DPP10: variants seen among roughly 807,000 people sequenced by gnomAD.
DPP10 encodes the protein inactive dipeptidyl peptidase 10.
Under a neutral mutation model 120.9 loss-of-function variants are expected in DPP10, and 33 were observed. The observed-to-expected ratio is 0.27, with a 90% CI of 0.21 to 0.37. The LOEUF is 0.37. Among genes scored for constraint, DPP10 ranks in the 10% least tolerant of loss-of-function variants. The probability of loss-of-function intolerance (pLI) is 1.00; values close to 1 mark genes in which losing one functional copy is unlikely to be tolerated. For synonymous variants in DPP10, 337 were observed against 326.1 expected, an observed-to-expected ratio of 1.03 and a Z score of -0.36; for missense variants, 816 against 942.8, an observed-to-expected ratio of 0.87 and a Z score of 1.76.
intron 3 of DPP10, among the ~76,000 whole-genome samples, chr2:115,441,722 A>G (rs1356001590): frequency 6.6e-6 from 1 of 151,936 alleles, no homozygotes; most frequent in East Asian, 1.9e-4. Flanking sequence ...GGAGGGACAG[A>G]CCTAGTTATT....
chr2:115,296,786 T>A (rs537323137), intron 1 of DPP10, among the ~76,000 whole-genome samples: 83 of 152,184 alleles, frequency 5.5e-4, no homozygotes, highest in African/African-American at 1.6e-3. Context: ...TGCAATAAGT[T>A]CATCTAGAGT....
intron 1 of DPP10, among the ~76,000 whole-genome samples, chr2:115,199,709 A>G (rs2055553660): frequency 6.6e-6 from 1 of 152,210 alleles, no homozygotes; most frequent in Non-Finnish European, 1.5e-5. Flanking sequence ...TATAGCATGT[A>G]TCAAGACTGA....
intron 21 of DPP10, among the ~76,000 whole-genome samples, chr2:115,826,495 T>C (rs1337328834): frequency 2.6e-5 from 4 of 152,184 alleles, no homozygotes; most frequent in East Asian, 1.9e-4. Context: ...CCTAGGTGGC[T>C]GGATCACCTG....
At chr2:114,517,443 C>A (rs935122613) in intron 1 of DPP10, among the ~76,000 whole-genome samples, 5 of 151,396 alleles carry the variant, frequency 3.3e-5, no homozygotes, top group Admixed American at 6.6e-5. Context: ...TTGCTTGAAC[C>A]TGGGAGACGG....
At chr2:114,596,672 C>T (rs978119861) in intron 1 of DPP10, among the ~76,000 whole-genome samples, 1 of 152,022 alleles carries the variant, frequency 6.6e-6, no homozygotes, top group African/African-American at 2.4e-5. Flanking sequence ...CATCACATCT[C>T]TTTCCAGTTA....
At chr2:114,641,283 G>A (rs185281901) in intron 1 of DPP10, among the ~76,000 whole-genome samples, 1 of 151,896 alleles carries the variant, frequency 6.6e-6, no homozygotes, top group Non-Finnish European at 1.5e-5. Flanking sequence ...GATCAACTCC[G>A]ACCTTTGTCT....
intron 1 of DPP10, among the ~76,000 whole-genome samples, chr2:115,038,513 G>A (rs745606392): frequency 1.1e-4 from 16 of 151,912 alleles, no homozygotes; most frequent in African/African-American, 3.9e-4. Context: ...TCCTGACCTC[G>A]TGATCCGCCC....
At chr2:115,392,814 A>G (rs1480842402) in intron 3 of DPP10, among the ~76,000 whole-genome samples, 2 of 152,178 alleles carry the variant, frequency 1.3e-5, no homozygotes, top group African/African-American at 4.8e-5. Context: ...TGAGTTTTTC[A>G]GTATGGTGAA....
At chr2:114,452,017 T>C (rs12473953) in intron 1 of DPP10, among the ~76,000 whole-genome samples, 36,811 of 152,116 alleles carry the variant, frequency 0.24, 5,501 homozygotes, top group Admixed American at 0.37. Context: ...TATTAATATA[T>C]GGTCTTTAAA....
intron 1 of DPP10, among the ~76,000 whole-genome samples, chr2:115,150,460 A>C (rs999271766): frequency 3.9e-5 from 6 of 152,210 alleles, no homozygotes; most frequent in African/African-American, 1.4e-4. Flanking sequence ...CCAATATTAT[A>C]CACACAACAG....
chr2:114,518,225 C>A (rs979164915), intron 1 of DPP10, among the ~76,000 whole-genome samples: 15 of 151,782 alleles, frequency 9.9e-5, no homozygotes, highest in African/African-American at 3.4e-4. Flanking sequence ...TTATAGGTAC[C>A]CACCACCACG....
chr2:114,821,871 G>A (rs1686118437), intron 1 of DPP10, among the ~76,000 whole-genome samples: 1 of 152,192 alleles, frequency 6.6e-6, no homozygotes, highest in Admixed American at 6.5e-5. Flanking sequence ...CACAGCCTTA[G>A]GCAGCTCCAC....
chr2:115,135,870 A>G (rs1431420512), intron 1 of DPP10, among the ~76,000 whole-genome samples: 2 of 152,162 alleles, frequency 1.3e-5, no homozygotes, highest in East Asian at 1.9e-4. Flanking sequence ...TGTGATTCTC[A>G]TGCCAAAAGG....
At chr2:115,500,082 C>T (rs6712054) in intron 4 of DPP10, among the ~76,000 whole-genome samples, 10,102 of 151,928 alleles carry the variant, frequency 0.066, 445 homozygotes, top group Middle Eastern at 0.12. Flanking sequence ...TCTGTCAGTA[C>T]CATTTTACTT....
At chr2:115,383,629 A>G (rs890158638) in intron 3 of DPP10, among the ~76,000 whole-genome samples, 5 of 152,076 alleles carry the variant, frequency 3.3e-5, no homozygotes, top group East Asian at 1.9e-4. Flanking sequence ...TTACTCACCA[A>G]TTGTCTGTGG....
chr2:115,281,540 A>G (rs564235647), intron 1 of DPP10, among the ~76,000 whole-genome samples: 3 of 152,326 alleles, frequency 2.0e-5, no homozygotes, highest in Admixed American at 2.0e-4. Context: ...GCATGAGCTC[A>G]CCAGAATTAG....
chr2:114,909,796 T>C (rs1694230117), intron 1 of DPP10, among the ~76,000 whole-genome samples: 1 of 152,032 alleles, frequency 6.6e-6, no homozygotes, highest in Non-Finnish European at 1.5e-5. Context: ...ATCTTCTTTA[T>C]AGGAAGCACT....
At chr2:115,385,287 T>C (rs1447731213) in intron 3 of DPP10, among the ~76,000 whole-genome samples, 1 of 152,038 alleles carries the variant, frequency 6.6e-6, no homozygotes, top group Non-Finnish European at 1.5e-5. Context: ...GAGGCCTCAC[T>C]GAGTCCTTCT....
At chr2:115,601,246 A>C (rs1182376962) in intron 5 of DPP10, among the ~76,000 whole-genome samples, 1 of 152,216 alleles carries the variant, frequency 6.6e-6, no homozygotes, top group Non-Finnish European at 1.5e-5. Flanking sequence ...TGATGAATCT[A>C]ACTTTTCTCA....
Sources: gnomAD v4.1 joint callset for allele counts (sites outside exome capture counted in the v4.1 genomes callset) on GRCh38, gnomAD v4.1.1 for gene constraint, MANE v1.5 for transcripts, NCBI Gene and HGNC (gene_info 2026-07-23, HGNC 2026-07-21) for gene names.